The following ECHDC1 variants were observed in gnomAD, a reference collection of about 807,000 sequenced individuals.
ECHDC1 encodes the protein ethylmalonyl-CoA decarboxylase 1.
Under a neutral mutation model 29.7 loss-of-function variants are expected in ECHDC1, and 29 were observed. The observed-to-expected ratio is 0.98, with a 90% CI of 0.73 to 1.33. The LOEUF is 1.33. Among genes scored for constraint, ECHDC1 ranks in the 40% most tolerant of loss-of-function variants. The pLI, the probability that ECHDC1 is intolerant of heterozygous loss-of-function variation, is 0.00. For missense variants in ECHDC1, 328 were observed against 350.0 expected, an observed-to-expected ratio of 0.94 and a Z score of 0.50; for synonymous variants, 126 against 123.1, an observed-to-expected ratio of 1.02 and a Z score of -0.15.
chr6:127,333,666 T>TACACACACAC (rs10523734), intron 1 of ECHDC1, among the ~76,000 whole-genome samples: 1,929 of 128,124 alleles, frequency 0.015, 40 homozygotes, highest in Middle Eastern at 0.028. Context: ...CTCTTTCTCT[T>TACACACACAC]ACACACACAC....
At chr6:127,325,647 G>A (rs1783257055) in intron 3 of ECHDC1, among the ~76,000 whole-genome samples, 1 of 151,754 alleles carries the variant, frequency 6.6e-6, no homozygotes, top group Non-Finnish European at 1.5e-5. Flanking sequence ...ACCAATCCCT[G>A]CCCATCCCCA....
chr6:127,301,236 C>G (rs1321761754), intron 5 of ECHDC1, among the ~76,000 whole-genome samples: 2 of 152,202 alleles, frequency 1.3e-5, no homozygotes, highest in Admixed American at 1.3e-4. Flanking sequence ...GTATACATTA[C>G]ATCTATTACC....
intron 3 of ECHDC1, among the ~76,000 whole-genome samples, chr6:127,323,559 C>T (rs1783030958): frequency 6.6e-6 from 1 of 152,060 alleles, no homozygotes; most frequent in Non-Finnish European, 1.5e-5. Context: ...CACTATACTC[C>T]TCATTTATAG....
chr6:127,304,430 C>T (rs548189188), intron 5 of ECHDC1, among the ~76,000 whole-genome samples: 2 of 152,234 alleles, frequency 1.3e-5, no homozygotes, highest in South Asian at 2.1e-4. Flanking sequence ...AGAAGGACCA[C>T]TACGAACAAG....
At chr6:127,297,118 G>C (rs1035837323) in intron 5 of ECHDC1, among the ~76,000 whole-genome samples, 1 of 152,148 alleles carries the variant, frequency 6.6e-6, no homozygotes, top group African/African-American at 2.4e-5. Context: ...AGGCTCTGTT[G>C]ACAAGGCTAA....
intron 5 of ECHDC1, among the ~76,000 whole-genome samples, chr6:127,312,632 G>A (rs1292819895): frequency 6.6e-6 from 1 of 152,106 alleles, no homozygotes; most frequent in African/African-American, 2.4e-5. Flanking sequence ...ACTTATACAT[G>A]AATGTTCACA....
intron 5 of ECHDC1, among the ~76,000 whole-genome samples, chr6:127,306,358 CT>C (rs973128603): frequency 1.3e-5 from 2 of 152,112 alleles, no homozygotes; most frequent in African/African-American, 4.8e-5. Flanking sequence ...TAGCTAGAGA[CT>C]TCAACACCCC....
At chr6:127,294,860 AT>A (rs1254498082) in intron 5 of ECHDC1, 6 of 88,036 alleles carry the variant, frequency 6.8e-5, no homozygotes, top group Non-Finnish European at 1.3e-4. Flanking sequence ...GGGATTTGTT[AT>A]TTTTGAATTG....
In ECHDC1 at chr6:127,330,837, G is replaced by A. The variant is rs755162465; in HGVS notation, c.192C>T (p.Asn64=). 9.9e-6 allele frequency: 16 copies of A among 1,613,766 alleles called. No individual in the cohort carries two copies. The highest frequency in any genetic ancestry group is 1.3e-5 in the African/African-American group (1 of 74,934). Residue 64 remains asparagine, a synonymous_variant, in exon 2 of 6, where the codon AAC becomes AAT. Transcript: ENST00000454859. ...AAAAGGCATTCATTCTACTTGGATT[G>A]TTCAGAGTAAGAATGCCAATGCCAT... ...EDNGIGILTL[N]NPSRMNAFSG... is the part of the protein sequence containing the mutation.
chr6:127,317,605 A>T (rs1398736779), intron 3 of ECHDC1, among the ~76,000 whole-genome samples: 2 of 152,210 alleles, frequency 1.3e-5, no homozygotes, highest in Non-Finnish European at 2.9e-5. Flanking sequence ...AAATATACCT[A>T]GAAACTCTAT....
intron 1 of ECHDC1, chr6:127,342,683 C>G: frequency 3.1e-6 from 1 of 319,436 alleles, no homozygotes; most frequent in Non-Finnish European, 5.7e-6. Flanking sequence ...TGGAACAGAG[C>G]AAAGAACTGA....
In ECHDC1 at chr6:127,331,117, A is replaced by G. The variant is rs1430152060; in HGVS notation, c.-2-87T>C. The G allele has an allele frequency of 5.2e-6, 5 of 960,246 alleles. No homozygotes were observed. In the African/African-American group the frequency reaches 8.3e-5, roughly 16 times the overall value. The allele number at this position is 960,246 out of a possible 1,614,324, so 59.5% of individuals were successfully genotyped here. On this transcript the variant is annotated intron_variant, in intron 1 of 5. Coordinates refer to ENST00000454859, the MANE Select transcript of ECHDC1 (RefSeq NM_001002030.2). ...ATGTGTTAATAGGCTGTAGTAATGG[A>G]CCCTTCTGTTGAGTTGGGAATACTT...
intron 5 of ECHDC1, among the ~76,000 whole-genome samples, chr6:127,293,389 G>A (rs1018239626): frequency 5.3e-5 from 8 of 152,140 alleles, no homozygotes; most frequent in African/African-American, 1.9e-4. Context: ...CAGCTTTGAT[G>A]TGAAGTGCAT....
At chr6:127,342,902 GA>G (rs1043480071) in intron 1 of ECHDC1, 1 of 152,626 alleles carries the variant, frequency 6.6e-6, no homozygotes, top group African/African-American at 2.4e-5. Flanking sequence ...ATACAAGTAA[GA>G]AAAGTTTTAG....
chr6:127,318,702 T>G (rs997288898), intron 3 of ECHDC1, among the ~76,000 whole-genome samples: 3 of 152,316 alleles, frequency 2.0e-5, no homozygotes, highest in African/African-American at 7.2e-5. Context: ...ACAGTATGCC[T>G]TCCCCCTCCT....
At chr6:127,324,494 T>C (rs1348095521) in intron 3 of ECHDC1, among the ~76,000 whole-genome samples, 1 of 152,164 alleles carries the variant, frequency 6.6e-6, no homozygotes, top group Non-Finnish European at 1.5e-5. Context: ...TAGTCACAGG[T>C]AGGCTCGACT....
At chr6:127,309,480 AACACAC>A (rs58621326) in intron 5 of ECHDC1, among the ~76,000 whole-genome samples, 2,602 of 138,026 alleles carry the variant, frequency 0.019, 49 homozygotes, top group African/African-American at 0.05. Context: ...CAAACAACAA[AACACAC>A]ACACACACAC....
At chr6:127,323,093 C>T (rs1318260673) in intron 3 of ECHDC1, among the ~76,000 whole-genome samples, 2 of 151,968 alleles carry the variant, frequency 1.3e-5, no homozygotes, top group African/African-American at 4.8e-5. Flanking sequence ...TATAAAATTA[C>T]CTCCAGGCTG....
rs186863156 is a variant in ECHDC1 at position 127,308,728 on chromosome 6, G to C, written c.497+6088C>G. ...AGAAATCAAATTATCCTTGTTTGTA[G>C]ATTATACAATCTATGTCTGGAAAAA... On this transcript the variant is annotated intron_variant, in intron 5 of 5. Transcript: ENST00000454859. Among the ~76,000 whole-genome samples the C allele has an allele frequency of 4.2e-4, 64 of 152,234 alleles. No homozygotes were observed. In the East Asian group the frequency reaches 0.011, roughly 27 times the overall value.
Sources: gnomAD v4.1 joint callset for allele counts (sites outside exome capture counted in the v4.1 genomes callset) on GRCh38, gnomAD v4.1.1 for gene constraint, MANE v1.5 for transcripts, NCBI Gene and HGNC (gene_info 2026-07-23, HGNC 2026-07-21) for gene names.